PHLPP1: variants seen among roughly 807,000 people sequenced by gnomAD.
PHLPP1 encodes PH domain and leucine rich repeat protein phosphatase 1.
A neutral mutation model predicts 117.2 loss-of-function variants in PHLPP1; 42 were observed. The observed-to-expected ratio is 0.36, with a 90% CI of 0.28 to 0.46. The LOEUF is 0.46. Ranked by LOEUF, PHLPP1 falls within the 20% of genes least tolerant of loss-of-function variation. The pLI is 1.00. For synonymous variants in PHLPP1, 1,042 were observed against 970.7 expected, an observed-to-expected ratio of 1.07 and a Z score of -1.37; for missense variants, 2,084 against 2,241.9, an observed-to-expected ratio of 0.93 and a Z score of 1.42.
intron 13 of PHLPP1, among the ~76,000 whole-genome samples, chr18:62,961,529 C>T (rs988654962): frequency 6.6e-6 from 1 of 151,890 alleles, no homozygotes; most frequent in African/African-American, 2.4e-5. Flanking sequence ...ATTATAAATG[C>T]CTTTAAAAAT....
chr18:62,845,421 AT>A (rs1915156797), intron 3 of PHLPP1, among the ~76,000 whole-genome samples: 1 of 152,338 alleles, frequency 6.6e-6, no homozygotes, highest in South Asian at 2.1e-4. Context: ...ATCCCATGAA[AT>A]GATGAGCAAA....
chr18:62,789,206 G>A (rs553408582), intron 1 of PHLPP1, among the ~76,000 whole-genome samples: 6 of 152,100 alleles, frequency 3.9e-5, no homozygotes, highest in Non-Finnish European at 7.4e-5. Context: ...CTTTCCTTAA[G>A]CATTAGTGAA....
Position 62,967,881 on chromosome 18 carries a change from A to G in PHLPP1, c.3560+4409A>G, listed in dbSNP as rs571449444. The stretch of plus-strand genomic sequence containing the variant: ...CTCTTATTGCCCAGGCTGGAGTGCA[A>G]TGGCACGATCTCGGTTCACCGCAAC... On this transcript the variant is annotated intron_variant, in intron 14 of 16. Coordinates refer to ENST00000262719, the MANE Select transcript of PHLPP1 (RefSeq NM_194449.4). Among the ~76,000 whole-genome samples, 3 of 151,208 alleles carry G rather than the reference A, an allele frequency of 2.0e-5. No homozygotes were observed. In the South Asian group the frequency reaches 6.3e-4, roughly 32 times the overall value.
intron 12 of PHLPP1, among the ~76,000 whole-genome samples, chr18:62,946,847 A>T (rs1027173878): frequency 3.9e-5 from 6 of 151,948 alleles, no homozygotes; most frequent in African/African-American, 1.2e-4. Flanking sequence ...AGGTCAGGAG[A>T]TCGAGACCAT....
At chr18:62,842,957 A>T (rs1212386009) in intron 3 of PHLPP1, 1 of 152,212 alleles carries the variant, frequency 6.6e-6, no homozygotes, top group African/African-American at 2.4e-5. Context: ...GTAGACTAGA[A>T]TCTCGCTCCA....
chr18:62,787,232 G>T (rs74628310), intron 1 of PHLPP1, among the ~76,000 whole-genome samples: 192 of 151,926 alleles, frequency 1.3e-3, no homozygotes, highest in Admixed American at 2.9e-3. Flanking sequence ...TCTGTATATG[G>T]TACACTCAGC....
chr18:62,829,972 T>A (rs555274400), intron 1 of PHLPP1, 63 bp from the exon 2 acceptor site: 43 of 1,185,824 alleles, frequency 3.6e-5, no homozygotes, highest in African/African-American at 1.7e-4. Flanking sequence ...ATATCTGCTA[T>A]GTAGATGAGT....
At chr18:62,738,915 A>G (rs1290291179) in intron 1 of PHLPP1, among the ~76,000 whole-genome samples, 1 of 152,228 alleles carries the variant, frequency 6.6e-6, no homozygotes, top group African/African-American at 2.4e-5. Flanking sequence ...CTAGACCAAC[A>G]ACATTTTATA....
chr18:62,849,668 A>G (rs932216767), intron 3 of PHLPP1, among the ~76,000 whole-genome samples: 1 of 147,510 alleles, frequency 6.8e-6, no homozygotes. Flanking sequence ...AAAAAAAAAA[A>G]ATCTACCAGG....
intron 1 of PHLPP1, among the ~76,000 whole-genome samples, chr18:62,794,776 A>G (rs1913575386): frequency 6.6e-6 from 1 of 152,238 alleles, no homozygotes; most frequent in Non-Finnish European, 1.5e-5. Flanking sequence ...TGACCAGCAA[A>G]AGATGAAGCA....
At chr18:62,932,020 A>G (rs1477668827) in intron 10 of PHLPP1, among the ~76,000 whole-genome samples, 1 of 152,172 alleles carries the variant, frequency 6.6e-6, no homozygotes, top group Non-Finnish European at 1.5e-5. Flanking sequence ...GAAAATCTAG[A>G]GGAAATGGAT....
At chr18:62,763,646 C>A (rs1016753942) in intron 1 of PHLPP1, among the ~76,000 whole-genome samples, 2 of 152,146 alleles carry the variant, frequency 1.3e-5, no homozygotes, top group African/African-American at 2.4e-5. Flanking sequence ...TTAGTTTTCT[C>A]ACTGTCAGAG....
intron 1 of PHLPP1, among the ~76,000 whole-genome samples, chr18:62,813,573 T>C (rs1259279076): frequency 6.6e-6 from 1 of 152,184 alleles, no homozygotes; most frequent in Non-Finnish European, 1.5e-5. Context: ...ATCCTGATGA[T>C]CCACCAGGTC....
At chr18:62,961,981 A>G (rs1910782600) in intron 13 of PHLPP1, among the ~76,000 whole-genome samples, 1 of 152,236 alleles carries the variant, frequency 6.6e-6, no homozygotes, top group Non-Finnish European at 1.5e-5. Context: ...GTTCTTAGGA[A>G]GGATATACAG....
intron 1 of PHLPP1, among the ~76,000 whole-genome samples, chr18:62,769,260 T>A (rs764078030): frequency 6.6e-6 from 1 of 152,208 alleles, no homozygotes; most frequent in Non-Finnish European, 1.5e-5. Flanking sequence ...AGCCTTTTAG[T>A]ATTGTGGAAT....
intron 3 of PHLPP1, among the ~76,000 whole-genome samples, chr18:62,845,440 CTT>C (rs766227605): frequency 3.2e-4 from 48 of 152,198 alleles, no homozygotes; most frequent in South Asian, 4.2e-4. Context: ...AAACATCACT[CTT>C]TTAAAAAAGA....
intron 4 of PHLPP1, among the ~76,000 whole-genome samples, chr18:62,878,414 C>T (rs1033932827): frequency 2.0e-5 from 3 of 152,182 alleles, no homozygotes; most frequent in African/African-American, 7.2e-5. Flanking sequence ...ACATCTAATT[C>T]TGGAGCTCAT....
intron 2 of PHLPP1, among the ~76,000 whole-genome samples, chr18:62,836,941 G>A (rs1404737890): frequency 6.6e-6 from 1 of 152,026 alleles, no homozygotes; most frequent in Non-Finnish European, 1.5e-5. Flanking sequence ...TGGGCAAGGA[G>A]TGAAATTCCG....
chr18:62,947,735 A>T (rs978042737), intron 12 of PHLPP1, among the ~76,000 whole-genome samples: 8 of 152,194 alleles, frequency 5.3e-5, no homozygotes, highest in African/African-American at 1.9e-4. Context: ...TTGGTTTAAA[A>T]TACAAATAGA....
Sources: allele counts gnomAD v4.1 joint callset (sites outside exome capture counted in the v4.1 genomes callset), GRCh38; gene constraint gnomAD v4.1.1; transcripts MANE v1.5; gene names NCBI Gene and HGNC (gene_info 2026-07-23, HGNC 2026-07-21).